Variants in RBFOX1 observed in about 807,000 individuals in gnomAD.
The protein encoded by RBFOX1 is RNA binding fox-1 homolog 1.
Under a neutral mutation model 57.7 loss-of-function variants are expected in RBFOX1, and 8 were observed. That is an observed-to-expected ratio of 0.14 (90% CI 0.08 to 0.25). The LOEUF (loss-of-function observed/expected upper bound fraction) is 0.25, where lower values mean the gene tolerates loss of function less well. Ranked by LOEUF, RBFOX1 falls within the 10% of genes least tolerant of loss-of-function variation. RBFOX1 has a pLI of 1.00. For synonymous variants in RBFOX1, 326 were observed against 222.4 expected (o/e 1.47, Z -4.15); for missense variants, 611 against 548.5 (o/e 1.11, Z -1.14).
chr16:7,068,653 C>G (rs1303690417), intron 4 of RBFOX1, among the ~76,000 whole-genome samples: 6 of 152,140 alleles, frequency 3.9e-5, no homozygotes, highest in African/African-American at 2.4e-5. Flanking sequence ...ATGGTGCAAT[C>G]TCAGTTCATT....
At chr16:6,283,163 C>G (rs113506814) in intron 1 of RBFOX1, among the ~76,000 whole-genome samples, 20 of 152,066 alleles carry the variant, frequency 1.3e-4, no homozygotes, top group African/African-American at 4.8e-4. Context: ...TCTGTCTCTA[C>G]AAAAAAGTGA....
At chr16:5,829,272 C>T (rs1052801925) in intron 3 of RBFOX1, among the ~76,000 whole-genome samples, 5 of 152,096 alleles carry the variant, frequency 3.3e-5, no homozygotes, top group Non-Finnish European at 7.3e-5. Flanking sequence ...CAGAGGTTAT[C>T]CTGAATGCTA....
At chr16:6,478,404 TA>T (rs1567367997) in intron 2 of RBFOX1, among the ~76,000 whole-genome samples, 23 of 16,982 alleles carry the variant, frequency 1.4e-3, no homozygotes, top group Admixed American at 7.9e-3. Flanking sequence ...TATATATATA[TA>T]TATATATATA....
intron 4 of RBFOX1, among the ~76,000 whole-genome samples, chr16:7,124,148 A>T (rs1159868011): frequency 6.6e-6 from 1 of 152,214 alleles, no homozygotes; most frequent in African/African-American, 2.4e-5. Flanking sequence ...ACATAAAATA[A>T]AAGCTGGTGG....
At chr16:5,720,540 A>G (rs903875851) in intron 3 of RBFOX1, among the ~76,000 whole-genome samples, 7 of 152,092 alleles carry the variant, frequency 4.6e-5, no homozygotes, top group African/African-American at 9.7e-5. Context: ...CTGTATTCCT[A>G]TGTCTTCTAA....
intron 4 of RBFOX1, among the ~76,000 whole-genome samples, chr16:6,009,802 A>ATGTGTGTGTGTGTG (rs753032432): frequency 4.3e-4 from 25 of 58,560 alleles, no homozygotes; most frequent in African/African-American, 2.0e-3. Context: ...CAGTGTGTGT[A>ATGTGTGTGTGTGTG]TGTGTGTGTG....
intron 3 of RBFOX1, among the ~76,000 whole-genome samples, chr16:6,891,086 AG>A (rs1416852618): frequency 6.6e-6 from 1 of 152,182 alleles, no homozygotes; most frequent in Non-Finnish European, 1.5e-5. Flanking sequence ...TGTTGACACC[AG>A]GCGTTCTTCC....
At chr16:5,978,748 A>G (rs2060117956) in intron 4 of RBFOX1, among the ~76,000 whole-genome samples, 1 of 149,838 alleles carries the variant, frequency 6.7e-6, no homozygotes, top group African/African-American at 2.5e-5. Flanking sequence ...GGCGTCCTGT[A>G]CATCCAGTCT....
At chr16:5,851,671 A>G (rs140123891) in intron 3 of RBFOX1, among the ~76,000 whole-genome samples, 22 of 152,230 alleles carry the variant, frequency 1.4e-4, no homozygotes, top group Non-Finnish European at 2.8e-4. Flanking sequence ...TCTCTGTGCT[A>G]TCAAAGGTTC....
chr16:7,232,738 G>A (rs1285738164), intron 4 of RBFOX1, among the ~76,000 whole-genome samples: 2 of 151,896 alleles, frequency 1.3e-5, no homozygotes, highest in African/African-American at 4.8e-5. Context: ...CTACTGAGAA[G>A]GCTGAGGCAG....
chr16:6,351,372 A>ATTT lies in RBFOX1; in HGVS notation c.-64+34328_-64+34330dup, dbSNP rs761394862. On this transcript the variant is annotated intron_variant, in intron 2 of 15. Coordinates refer to ENST00000550418, the MANE Select transcript of RBFOX1 (RefSeq NM_018723.4). ...TGTGTGTATATATATATATATATAT[A>ATTT]TTTTTTTTTTTTTTTCTTGAGGCAG... Among the ~76,000 whole-genome samples the ATTT allele has an allele frequency of 4.1e-3, 353 of 86,404 alleles. 4 individuals carry two copies. Among genetic ancestry groups the ATTT allele is most frequent in the African/African-American group, 0.012 (229 of 19,560 alleles). 56.7% of individuals were successfully genotyped at this position (86,404 alleles called of 152,430 possible). A position where few individuals can be genotyped will look rare whatever the true frequency, so the allele number is the denominator to read the frequency against.
intron 10 of RBFOX1, among the ~76,000 whole-genome samples, chr16:7,621,051 A>C (rs942835591): frequency 6.6e-6 from 1 of 151,826 alleles, no homozygotes; most frequent in African/African-American, 2.4e-5. Context: ...CCCACCCCAG[A>C]CCCCCTAGAT....
chr16:6,806,741 TC>T (rs1210648284), intron 3 of RBFOX1, among the ~76,000 whole-genome samples: 1 of 147,430 alleles, frequency 6.8e-6, no homozygotes, highest in Non-Finnish European at 1.5e-5. Flanking sequence ...TTCTGTTTTT[TC>T]TCCCTTTCTT....
intron 2 of RBFOX1, among the ~76,000 whole-genome samples, chr16:5,512,748 A>G (rs2043648631): frequency 6.6e-6 from 1 of 152,186 alleles, no homozygotes; most frequent in Non-Finnish European, 1.5e-5. Context: ...GTTCGTCATA[A>G]CTAACAGACC....
intron 4 of RBFOX1, among the ~76,000 whole-genome samples, chr16:7,232,110 A>G (rs1461652311): frequency 3.3e-5 from 5 of 151,862 alleles, no homozygotes; most frequent in African/African-American, 4.8e-5. Context: ...TGCAAATTCC[A>G]CCTCCTAGGT....
At chr16:6,277,480 C>T (rs2075939642) in intron 1 of RBFOX1, among the ~76,000 whole-genome samples, 1 of 104,998 alleles carries the variant, frequency 9.5e-6, no homozygotes, top group Admixed American at 9.2e-5. Context: ...AAAAAAAAAC[C>T]TCAATTTTTA....
At chr16:6,661,497 A>G (rs1449202202) in intron 3 of RBFOX1, among the ~76,000 whole-genome samples, 2 of 152,216 alleles carry the variant, frequency 1.3e-5, no homozygotes, top group Non-Finnish European at 2.9e-5. Context: ...TTCTGTGTCA[A>G]TCCTCTGTCC....
chr16:6,965,159 T>C (rs935961184), intron 3 of RBFOX1, among the ~76,000 whole-genome samples: 1 of 152,164 alleles, frequency 6.6e-6, no homozygotes, highest in Non-Finnish European at 1.5e-5. Context: ...ACTGTACTGC[T>C]GCAGATTGCT....
At position 5,305,421 on chromosome 16, in the gene RBFOX1, C is replaced by G. The variant is rs545146476; in HGVS notation, c.219+65316C>G. On this transcript the variant is annotated intron_variant, in intron 1 of 2. Transcript: ENST00000585867. ...TACAGAGGATGACTGAGGAGGAGGT[C>G]TGGCAGGAAATGATGGGGGGCTGTT... 7.9e-5 allele frequency among the ~76,000 whole-genome samples: 12 copies of G among 152,186 alleles called. No homozygotes were observed. The South Asian group carries it at 2.5e-3, about 32-fold the overall frequency.
Sources: allele counts gnomAD v4.1 joint callset (sites outside exome capture counted in the v4.1 genomes callset), GRCh38; gene constraint gnomAD v4.1.1; transcripts MANE v1.5; gene names NCBI Gene and HGNC (gene_info 2026-07-23, HGNC 2026-07-21).